The following SUCO variants were observed in gnomAD, a reference collection of about 807,000 sequenced individuals.
SUCO encodes SUN domain-containing ossification factor.
A neutral mutation model predicts 148.1 loss-of-function variants in SUCO; 57 were observed. The ratio of observed to expected loss-of-function variants is 0.38; its 90% CI spans 0.31 to 0.48. The LOEUF (loss-of-function observed/expected upper bound fraction) is 0.48, where lower values mean the gene tolerates loss of function less well. SUCO is among the 20% of genes least tolerant of loss of function. The pLI is 0.96. For missense variants in SUCO, 1,331 were observed against 1,468.2 expected, an observed-to-expected ratio of 0.91 and a Z score of 1.53; for synonymous variants, 470 against 502.7, an observed-to-expected ratio of 0.93 and a Z score of 0.87.
chr1:172,607,586 A>G (rs1270190899), intron 22 of SUCO, among the ~76,000 whole-genome samples: 2 of 151,632 alleles, frequency 1.3e-5, no homozygotes, highest in East Asian at 1.9e-4. Flanking sequence ...CTTCTACTTG[A>G]CTGTCCGGGT....
At chr1:172,536,411 G>A (rs1652019984) in intron 1 of SUCO, among the ~76,000 whole-genome samples, 1 of 152,170 alleles carries the variant, frequency 6.6e-6, no homozygotes, top group Admixed American at 6.5e-5. Context: ...TTGTTAGGAG[G>A]ATGAAATAAT....
chr1:172,536,322 G>T (rs1652011436), intron 1 of SUCO, among the ~76,000 whole-genome samples: 1 of 152,046 alleles, frequency 6.6e-6, no homozygotes, highest in African/African-American at 2.4e-5. Context: ...TGTGTTCTTT[G>T]ACTTGTTATG....
At chr1:172,576,596 A>G (rs923270318) in intron 11 of SUCO, among the ~76,000 whole-genome samples, 14 of 151,828 alleles carry the variant, frequency 9.2e-5, no homozygotes, top group Admixed American at 9.2e-4. Flanking sequence ...TATACAGTAC[A>G]CTTTCTTCAC....
intron 23 of SUCO, 40 bp from the exon 24 acceptor site, chr1:172,609,776 G>T (rs200701976): frequency 9.6e-6 from 15 of 1,557,706 alleles, no homozygotes; most frequent in Middle Eastern, 1.7e-4. Context: ...GGTTACTATG[G>T]GAAGTATCAT....
At chr1:172,535,201 A>T (rs950157478) in intron 1 of SUCO, among the ~76,000 whole-genome samples, 1 of 152,206 alleles carries the variant, frequency 6.6e-6, no homozygotes, top group African/African-American at 2.4e-5. Flanking sequence ...TAGTAGTAAT[A>T]AACTTCTGTC....
chr1:172,559,934 T>G (rs1359206038), intron 6 of SUCO, among the ~76,000 whole-genome samples: 2 of 152,152 alleles, frequency 1.3e-5, no homozygotes, highest in African/African-American at 4.8e-5. Context: ...GAATCCCACC[T>G]TCCCACCTCA....
intron 6 of SUCO, among the ~76,000 whole-genome samples, chr1:172,561,135 A>ATT (rs1256640466): frequency 1.3e-5 from 2 of 152,240 alleles, no homozygotes; most frequent in African/African-American, 4.8e-5. Context: ...GTATCTTGGC[A>ATT]GCTAGAGTTG....
chr1:172,555,392 G>C (rs1653658119), intron 3 of SUCO: 1 of 985,212 alleles, frequency 1.0e-6, no homozygotes, highest in Non-Finnish European at 1.2e-6. Flanking sequence ...GAAAGGCCCA[G>C]GTCATTCAAG....
intron 1 of SUCO, among the ~76,000 whole-genome samples, chr1:172,545,582 C>CA (rs1372291702): frequency 6.6e-6 from 1 of 151,518 alleles, no homozygotes; most frequent in Non-Finnish European, 1.5e-5. Context: ...GCAGGGAAAT[C>CA]AAAAAAAGCT....
At chr1:172,566,221 T>C (rs955682460) in intron 6 of SUCO, among the ~76,000 whole-genome samples, 4 of 152,262 alleles carry the variant, frequency 2.6e-5, no homozygotes, top group Non-Finnish European at 4.4e-5. Context: ...TCTGCTTAGT[T>C]ACCTCTCTGG....
intron 15 of SUCO, among the ~76,000 whole-genome samples, chr1:172,584,038 CCA>C (rs1656065759): frequency 6.6e-6 from 1 of 152,078 alleles, no homozygotes. Context: ...TTAATCTGCC[CCA>C]TACCTGTCCC....
intron 6 of SUCO, among the ~76,000 whole-genome samples, chr1:172,563,924 C>T (rs891568698): frequency 2.0e-5 from 3 of 152,210 alleles, no homozygotes; most frequent in Non-Finnish European, 2.9e-5. Context: ...GGACATGGCA[C>T]CCTGCATCCC....
Position 172,533,376 on chromosome 1 carries a change from G to C in SUCO, c.-60G>C. 1 of 1,551,738 alleles carries C rather than the reference G, an allele frequency of 6.4e-7. No individual in the cohort carries two copies. The highest frequency in any genetic ancestry group is 1.2e-5 in the South Asian group (1 of 84,084). ...GCTCCGGCTCCTCCATCTTGGCCTC[G>C]GCAGTGGCGGCTGCCGGGAGGATGT... On this transcript the variant is annotated 5_prime_UTR_variant, in exon 1 of 24. Transcript: ENST00000263688.
chr1:172,577,514 T>C, intron 11 of SUCO, 25 bp from the exon 12 acceptor site: 1 of 1,606,588 alleles, frequency 6.2e-7, no homozygotes, highest in East Asian at 2.2e-5. Context: ...CTGATTTCTT[T>C]TTCTTTTCCT....
chr1:172,601,426 G>T (rs1310072644), intron 20 of SUCO, among the ~76,000 whole-genome samples: 3 of 151,816 alleles, frequency 2.0e-5, no homozygotes, highest in African/African-American at 7.3e-5. Context: ...TTGAACCCAG[G>T]AGGTGGAGGT....
At chr1:172,550,488 A>T (rs1200411501) in intron 1 of SUCO, among the ~76,000 whole-genome samples, 1 of 151,944 alleles carries the variant, frequency 6.6e-6, no homozygotes, top group Non-Finnish European at 1.5e-5. Flanking sequence ...TTCTTTTAAT[A>T]GGTGATTCTT....
intron 1 of SUCO, among the ~76,000 whole-genome samples, chr1:172,543,436 G>C (rs973054123): frequency 1.3e-5 from 2 of 152,132 alleles, no homozygotes; most frequent in African/African-American, 4.8e-5. Context: ...ATCAAGTATA[G>C]GGCATGATTA....
upstream of SUCO, chr1:172,533,014 G>T: frequency 7.0e-7 from 1 of 1,424,292 alleles, no homozygotes. Context: ...GCGGGACTTG[G>T]GTGACGCGTC....
intron 19 of SUCO, among the ~76,000 whole-genome samples, chr1:172,593,365 G>A (rs896809007): frequency 6.6e-6 from 1 of 152,150 alleles, no homozygotes; most frequent in Admixed American, 6.6e-5. Flanking sequence ...TTTTCAAAGG[G>A]AATGCTTCCA....
Sources: allele counts gnomAD v4.1 joint callset (sites outside exome capture counted in the v4.1 genomes callset), GRCh38; gene constraint gnomAD v4.1.1; transcripts MANE v1.5; gene names NCBI Gene and HGNC (gene_info 2026-07-23, HGNC 2026-07-21).